Variants in CLDN14 observed in about 807,000 individuals in gnomAD.
The protein encoded by CLDN14 is claudin-14.
In CLDN14, 2 loss-of-function variants were observed where a neutral mutation model predicts 2.1. The observed-to-expected ratio is 0.96, with a 90% confidence interval of 0.39 to 3.01. CLDN14 has a LOEUF of 3.01. Among genes scored for constraint, CLDN14 ranks in the 30% most tolerant of loss-of-function variants. The pLI is 0.09. For synonymous variants in CLDN14, 136 were observed against 154.4 expected (o/e 0.88, Z 0.88); for missense variants, 298 against 328.0 (o/e 0.91, Z 0.71).
At chr21:36,558,122 T>C (rs1160816978) in intron 1 of CLDN14, among the ~76,000 whole-genome samples, 1 of 152,228 alleles carries the variant, frequency 6.6e-6, no homozygotes, top group Non-Finnish European at 1.5e-5. Flanking sequence ...GGGTTCTTTA[T>C]TCTGTTCCTG....
intron 1 of CLDN14, among the ~76,000 whole-genome samples, chr21:36,523,512 G>A (rs7281531): frequency 0.8 from 120,717 of 151,658 alleles, 49,017 homozygotes; most frequent in Middle Eastern, 0.91. Context: ...TTTGGGAGGC[G>A]GAGGTGGGTG....
At chr21:36,531,609 A>G (rs2087380615) in intron 1 of CLDN14, among the ~76,000 whole-genome samples, 1 of 151,476 alleles carries the variant, frequency 6.6e-6, no homozygotes, top group Non-Finnish European at 1.5e-5. Context: ...TCAATCAATA[A>G]CAGCCTCTGG....
At chr21:36,495,883 G>T (rs925604146) in intron 2 of CLDN14, among the ~76,000 whole-genome samples, 1 of 152,202 alleles carries the variant, frequency 6.6e-6, no homozygotes, top group African/African-American at 2.4e-5. Context: ...AGGGGGAAGA[G>T]GGCTATGTGA....
At chr21:36,518,047 AAAAT>A (rs2087241329) in intron 1 of CLDN14, among the ~76,000 whole-genome samples, 2 of 149,014 alleles carry the variant, frequency 1.3e-5, no homozygotes, top group Admixed American at 6.7e-5. Context: ...TCAATTCCGT[AAAAT>A]AAATCTCTCT....
chr21:36,489,196 GAGAGAGAGAGAA>G (rs746126035), intron 2 of CLDN14, among the ~76,000 whole-genome samples: 153 of 121,584 alleles, frequency 1.3e-3, no homozygotes, highest in Non-Finnish European at 2.0e-3. Flanking sequence ...GGGGGCGGGA[GAGAGAGAGAGAA>G]AGAGAGAGAG....
At chr21:36,480,319 C>G (rs1378212391), upstream of CLDN14, 1 of 152,264 alleles carries the variant, frequency 6.6e-6, no homozygotes, top group Non-Finnish European at 1.5e-5. Flanking sequence ...GGACAATTTG[C>G]TACAAGTTGG....
intron 1 of CLDN14, among the ~76,000 whole-genome samples, chr21:36,471,820 G>A (rs2086714001): frequency 7.7e-6 from 1 of 130,464 alleles, no homozygotes; most frequent in African/African-American, 3.0e-5. Context: ...AATTGAACTG[G>A]GGATAAACTG....
intron 1 of CLDN14, among the ~76,000 whole-genome samples, chr21:36,574,132 A>G (rs2087726759): frequency 6.6e-6 from 1 of 152,186 alleles, no homozygotes; most frequent in African/African-American, 2.4e-5. Flanking sequence ...GATTTGGAAG[A>G]CTTAAATAAT....
chr21:36,489,131 A>AAAAAAAAAATATATATATAT, intron 2 of CLDN14, among the ~76,000 whole-genome samples: 58 of 62,726 alleles, frequency 9.2e-4, no homozygotes, highest in Non-Finnish European at 1.5e-3. Flanking sequence ...AAAAAAAAAA[A>AAAAAAAAAATATATATATAT]ATATATATAT....
At chr21:36,538,989 G>A (rs1467283073) in intron 1 of CLDN14, among the ~76,000 whole-genome samples, 1 of 152,164 alleles carries the variant, frequency 6.6e-6, no homozygotes, top group African/African-American at 2.4e-5. Flanking sequence ...AACTAGGCCC[G>A]GCCAGCGCAG....
At chr21:36,560,367 AAGAATTAGTGGCATCCAACCTT>A (rs2087625821) in intron 1 of CLDN14, among the ~76,000 whole-genome samples, 1 of 152,168 alleles carries the variant, frequency 6.6e-6, no homozygotes. Context: ...GATTTTTGCA[AAGAATTAGTGGCATCCAACCTT>A]AAGTGTGAAT....
chr21:36,489,131 A>AAATATATATATAT, intron 2 of CLDN14, among the ~76,000 whole-genome samples: 6 of 62,750 alleles, frequency 9.6e-5, no homozygotes, highest in Admixed American at 5.5e-4. Context: ...AAAAAAAAAA[A>AAATATATATATAT]ATATATATAT....
chr21:36,523,823 G>GAAAGAAAGAAAGA (rs1568868990), intron 1 of CLDN14, among the ~76,000 whole-genome samples: 2 of 142,850 alleles, frequency 1.4e-5, no homozygotes, highest in African/African-American at 5.6e-5. Context: ...AAGAAAGAAA[G>GAAAGAAAGAAAGA]AAAGAAAGAA....
chr21:36,503,034 C>G (rs912234113), intron 2 of CLDN14, among the ~76,000 whole-genome samples: 1 of 152,154 alleles, frequency 6.6e-6, no homozygotes, highest in African/African-American at 2.4e-5. Flanking sequence ...AGCTTGAGAA[C>G]TACTGGGTTT....
At chr21:36,483,084 C>A (rs934441951), upstream of CLDN14, among the ~76,000 whole-genome samples, 2 of 152,222 alleles carry the variant, frequency 1.3e-5, no homozygotes, top group Non-Finnish European at 2.9e-5. Flanking sequence ...AGGGTTTGAA[C>A]CGAGCACACT....
In CLDN14 at chr21:36,551,261, TC is replaced by T. The variant is rs1369194899; in HGVS notation, c.-220+25149del. Among the ~76,000 whole-genome samples the T allele has an allele frequency of 6.6e-6, 1 of 152,136 alleles. No individual in the cohort carries two copies. The highest frequency in any genetic ancestry group is 1.5e-5 in the Non-Finnish European group (1 of 68,016). On this transcript the variant is annotated intron_variant, in intron 1 of 2. Transcript: ENST00000342108. This position sits in a 1 kb window ranked among gnomAD's most constrained non-coding sequence, Gnocchi z 4.8. ...GAGAGACCACGATGGCTTGGCCCCC[TC>T]CCCTTGGCCTCTGCGCTGGGAGGGA...
rs181471819 is a variant in CLDN14 at position 36,494,682 on chromosome 21, G to C, written c.-82+15681C>G. ...GGAGACGAGTTCACAGGCACATGCA[G>C]GGGGATGACCCTGGGATGGCACAGG... On this transcript the variant is annotated intron_variant, in intron 2 of 2. Coordinates refer to the CLDN14 transcript ENST00000342108. 1.7e-3 allele frequency among the ~76,000 whole-genome samples: 258 copies of C among 152,322 alleles called. 4 individuals are homozygous for C. The highest frequency in any genetic ancestry group is 0.012 in the Admixed American group (184 of 15,298).
At chr21:36,503,006 C>T (rs1330125732) in intron 2 of CLDN14, among the ~76,000 whole-genome samples, 1 of 152,220 alleles carries the variant, frequency 6.6e-6, no homozygotes, top group African/African-American at 2.4e-5. Flanking sequence ...ACTGTACAGA[C>T]AGTTCTAACA....
chr21:36,575,720 G>A (rs2087737294), intron 1 of CLDN14, among the ~76,000 whole-genome samples: 1 of 152,198 alleles, frequency 6.6e-6, no homozygotes, highest in African/African-American at 2.4e-5. Context: ...AGCTTATGGT[G>A]TTGAATTTTA....
Sources: gnomAD v4.1 joint callset for allele counts (sites outside exome capture counted in the v4.1 genomes callset) on GRCh38, gnomAD v4.1.1 for gene constraint, Gnocchi (gnomAD v3.1) non-coding constraint, MANE v1.5 for transcripts, NCBI Gene and HGNC (gene_info 2026-07-23, HGNC 2026-07-21) for gene names.